Variants in LRRC4C observed in about 807,000 individuals in gnomAD.
LRRC4C encodes the protein leucine rich repeat containing 4C.
In LRRC4C, 5 loss-of-function variants were observed where a neutral mutation model predicts 33.6. The observed-to-expected ratio is 0.15, with a 90% CI of 0.08 to 0.31. LRRC4C has a LOEUF of 0.31. LRRC4C is among the 10% of genes least tolerant of loss of function. The pLI, the probability that LRRC4C is intolerant of heterozygous loss-of-function variation, is 1.00. For synonymous variants in LRRC4C, 329 were observed against 302.0 expected, an observed-to-expected ratio of 1.09 and a Z score of -0.93; for missense variants, 560 against 796.7, an observed-to-expected ratio of 0.70 and a Z score of 3.58.
At chr11:41,037,496 G>T (rs1907969) in intron 1 of LRRC4C, among the ~76,000 whole-genome samples, 15,761 of 151,592 alleles carry the variant, frequency 0.1, 979 homozygotes, top group African/African-American at 0.17. Context: ...GAGCCACTGT[G>T]CCTGACCCTA....
intron 1 of LRRC4C, among the ~76,000 whole-genome samples, chr11:41,203,098 C>A (rs1269440969): frequency 6.6e-6 from 1 of 152,178 alleles, no homozygotes; most frequent in African/African-American, 2.4e-5. Context: ...AAACTGATTT[C>A]TTTCTTCAGT....
At chr11:41,214,611 G>A (rs1234357156) in intron 1 of LRRC4C, among the ~76,000 whole-genome samples, 3 of 140,214 alleles carry the variant, frequency 2.1e-5, no homozygotes, top group South Asian at 2.2e-4. Flanking sequence ...TTAGCCGGGC[G>A]TGGTGGCGGG....
intron 1 of LRRC4C, among the ~76,000 whole-genome samples, chr11:41,274,626 C>T (rs1949422866): frequency 6.6e-6 from 1 of 152,042 alleles, no homozygotes; most frequent in Non-Finnish European, 1.5e-5. Context: ...GACCAATCAG[C>T]AGGACATGGG....
At chr11:41,404,997 A>G (rs1448311932) in intron 1 of LRRC4C, among the ~76,000 whole-genome samples, 1 of 152,110 alleles carries the variant, frequency 6.6e-6, no homozygotes, top group African/African-American at 2.4e-5. Flanking sequence ...GCGATATTTA[A>G]ATCTTCAGTG....
At chr11:40,325,182 G>A (rs1373625626) in intron 3 of LRRC4C, among the ~76,000 whole-genome samples, 10 of 152,114 alleles carry the variant, frequency 6.6e-5, no homozygotes, top group Non-Finnish European at 8.8e-5. Flanking sequence ...ACATATTCAC[G>A]CCATTTCCTA....
At chr11:40,655,459 C>A (rs978408567) in intron 2 of LRRC4C, among the ~76,000 whole-genome samples, 2 of 152,034 alleles carry the variant, frequency 1.3e-5, no homozygotes, top group Non-Finnish European at 2.9e-5. Context: ...ATTATTAAGT[C>A]TATGGGCTCT....
At chr11:40,167,598 C>A (rs185449986) in intron 5 of LRRC4C, among the ~76,000 whole-genome samples, 3 of 152,136 alleles carry the variant, frequency 2.0e-5, no homozygotes. Flanking sequence ...TATTCTATGA[C>A]AGAAAGTTCT....
At chr11:40,939,159 A>G (rs369149437) in intron 1 of LRRC4C, among the ~76,000 whole-genome samples, 1 of 152,224 alleles carries the variant, frequency 6.6e-6, no homozygotes, top group African/African-American at 2.4e-5. Flanking sequence ...ATGGTGTAAT[A>G]CTAAATGATG....
chr11:40,459,793 G>A (rs1952305678), intron 3 of LRRC4C, among the ~76,000 whole-genome samples: 1 of 152,090 alleles, frequency 6.6e-6, no homozygotes, highest in South Asian at 2.1e-4. Context: ...CACAATGAGG[G>A]GTCCTTGTTG....
chr11:40,493,818 A>G (rs929961327), intron 3 of LRRC4C, among the ~76,000 whole-genome samples: 3 of 152,114 alleles, frequency 2.0e-5, no homozygotes, highest in African/African-American at 7.2e-5. Flanking sequence ...TAGAAAGACC[A>G]AATCATTCTG....
At chr11:40,344,962 C>T (rs1947056382) in intron 3 of LRRC4C, among the ~76,000 whole-genome samples, 1 of 152,010 alleles carries the variant, frequency 6.6e-6, no homozygotes, top group Admixed American at 6.6e-5. Context: ...TAAAAGATAT[C>T]TACAATAAGA....
intron 3 of LRRC4C, among the ~76,000 whole-genome samples, chr11:40,522,920 G>C (rs1031372395): frequency 3.3e-5 from 5 of 152,066 alleles, no homozygotes; most frequent in Admixed American, 3.3e-4. Context: ...GTGTATGTAT[G>C]TATATTTTAC....
intron 1 of LRRC4C, among the ~76,000 whole-genome samples, chr11:40,991,735 A>G (rs917915317): frequency 1.3e-5 from 2 of 152,116 alleles, no homozygotes; most frequent in Non-Finnish European, 2.9e-5. Context: ...CCTGGTATAC[A>G]CAGTTCACGA....
chr11:41,038,453 G>A (rs1348018969), intron 1 of LRRC4C, among the ~76,000 whole-genome samples: 1 of 152,106 alleles, frequency 6.6e-6, no homozygotes, highest in Admixed American at 6.6e-5. Flanking sequence ...TTCCTTGGGT[G>A]AGGTGTTTCC....
At chr11:41,112,324 G>A (rs1286875578) in intron 1 of LRRC4C, among the ~76,000 whole-genome samples, 1 of 152,056 alleles carries the variant, frequency 6.6e-6, no homozygotes, top group Non-Finnish European at 1.5e-5. Flanking sequence ...CACTTCGGCA[G>A]AAATTGGCAT....
At chr11:41,005,311 G>C (rs1854663223) in intron 1 of LRRC4C, among the ~76,000 whole-genome samples, 2 of 152,088 alleles carry the variant, frequency 1.3e-5, no homozygotes, top group African/African-American at 4.8e-5. Context: ...GTTTAAAAAG[G>C]AGCCGCCCCT....
intron 2 of LRRC4C, among the ~76,000 whole-genome samples, chr11:40,689,211 CTA>C (rs905382588): frequency 2.0e-5 from 3 of 152,022 alleles, no homozygotes; most frequent in African/African-American, 7.2e-5. Context: ...AAATCTCATA[CTA>C]ACCAATGGGA....
chr11:40,890,694 C>T (rs1955661898), intron 2 of LRRC4C, among the ~76,000 whole-genome samples: 1 of 151,846 alleles, frequency 6.6e-6, no homozygotes, highest in Non-Finnish European at 1.5e-5. Flanking sequence ...AATGGGATTC[C>T]CAACATTTAC....
At chr11:40,295,406 T>C (rs1045467866) in intron 4 of LRRC4C, among the ~76,000 whole-genome samples, 2 of 152,198 alleles carry the variant, frequency 1.3e-5, no homozygotes, top group African/African-American at 4.8e-5. Flanking sequence ...ATTTTCTTTA[T>C]TTTTGAGAGA....
Sources: gnomAD v4.1 joint callset for allele counts (sites outside exome capture counted in the v4.1 genomes callset) on GRCh38, gnomAD v4.1.1 for gene constraint, MANE v1.5 for transcripts, NCBI Gene and HGNC (gene_info 2026-07-23, HGNC 2026-07-21) for gene names.